FHIT: variants seen among roughly 807,000 people sequenced by gnomAD.
FHIT encodes bis(5'-adenosyl)-triphosphatase.
Under a neutral mutation model 17.9 loss-of-function variants are expected in FHIT, and 19 were observed. The ratio of observed to expected loss-of-function variants is 1.06; its 90% CI spans 0.74 to 1.56. The LOEUF is 1.56. FHIT is among the 40% of genes most tolerant of loss of function. The probability of loss-of-function intolerance (pLI) is 0.00; values close to 1 mark genes in which losing one functional copy is unlikely to be tolerated. For missense variants in FHIT, 248 were observed against 189.2 expected, an observed-to-expected ratio of 1.31 and a Z score of -1.82; for synonymous variants, 81 against 69.7, an observed-to-expected ratio of 1.16 and a Z score of -0.81.
At chr3:60,314,641 G>A (rs1709087748) in intron 5 of FHIT, among the ~76,000 whole-genome samples, 2 of 152,154 alleles carry the variant, frequency 1.3e-5, no homozygotes, top group Admixed American at 6.5e-5. Context: ...GATCTGAACT[G>A]TTAAAAACTT....
intron 4 of FHIT, among the ~76,000 whole-genome samples, chr3:60,642,478 C>G (rs1186943576): frequency 1.4e-5 from 2 of 145,834 alleles, no homozygotes; most frequent in African/African-American, 2.8e-5. Context: ...TCTTTACCCA[C>G]ACACACACAC....
At chr3:60,581,167 G>T (rs2107679841) in intron 4 of FHIT, among the ~76,000 whole-genome samples, 1 of 152,162 alleles carries the variant, frequency 6.6e-6, no homozygotes, top group Non-Finnish European at 1.5e-5. Context: ...TATGTGAAAA[G>T]GTGCTTACAT....
intron 4 of FHIT, among the ~76,000 whole-genome samples, chr3:60,603,802 A>G (rs1027232406): frequency 2.0e-5 from 3 of 152,130 alleles, no homozygotes; most frequent in South Asian, 2.1e-4. Flanking sequence ...ATCCAAGGCA[A>G]TAACACTATA....
At chr3:60,102,412 G>A (rs1397860668) in intron 5 of FHIT, among the ~76,000 whole-genome samples, 3 of 152,124 alleles carry the variant, frequency 2.0e-5, no homozygotes, top group African/African-American at 7.2e-5. Flanking sequence ...ATGCAACATG[G>A]GGCGAGTAAG....
At chr3:61,187,164 C>G (rs924744278) in intron 2 of FHIT, among the ~76,000 whole-genome samples, 1 of 152,082 alleles carries the variant, frequency 6.6e-6, no homozygotes, top group Non-Finnish European at 1.5e-5. Flanking sequence ...ACTCAATATA[C>G]AAATAATGAT....
intron 5 of FHIT, among the ~76,000 whole-genome samples, chr3:60,530,128 A>G (rs931911108): frequency 1.3e-5 from 2 of 152,180 alleles, no homozygotes; most frequent in African/African-American, 4.8e-5. Flanking sequence ...ATAGTATGGA[A>G]GACAGGTCAA....
intron 5 of FHIT, among the ~76,000 whole-genome samples, chr3:60,041,240 T>G (rs1257828811): frequency 6.6e-6 from 1 of 152,178 alleles, no homozygotes; most frequent in Non-Finnish European, 1.5e-5. Context: ...AGACTCTCAC[T>G]TGCACAGGGG....
intron 8 of FHIT, among the ~76,000 whole-genome samples, chr3:59,856,214 A>T (rs1702150248): frequency 6.6e-6 from 1 of 152,232 alleles, no homozygotes; most frequent in African/African-American, 2.4e-5. Flanking sequence ...AATTTAGATG[A>T]AATGTATAAA....
chr3:60,326,854 G>C (rs1219245985), intron 5 of FHIT, among the ~76,000 whole-genome samples: 2 of 152,144 alleles, frequency 1.3e-5, no homozygotes, highest in African/African-American at 2.4e-5. Context: ...TCTGGAAGAA[G>C]AATTTCACAA....
chr3:60,551,789 C>T (rs542269774), intron 4 of FHIT, among the ~76,000 whole-genome samples: 15 of 150,918 alleles, frequency 9.9e-5, no homozygotes, highest in Non-Finnish European at 1.8e-4. Context: ...TAAAAAAAAG[C>T]ATATGCCCCA....
At chr3:60,965,779 T>C (rs949807766) in intron 3 of FHIT, among the ~76,000 whole-genome samples, 3 of 152,204 alleles carry the variant, frequency 2.0e-5, no homozygotes, top group Non-Finnish European at 4.4e-5. Flanking sequence ...CAAATGTTGC[T>C]GCCTGATCCT....
At chr3:60,823,107 C>G (rs1244276377) in intron 3 of FHIT, among the ~76,000 whole-genome samples, 2 of 152,214 alleles carry the variant, frequency 1.3e-5, no homozygotes. Flanking sequence ...ACTAAGGTGT[C>G]AGGCACTATT....
intron 4 of FHIT, among the ~76,000 whole-genome samples, chr3:60,755,936 G>A (rs759044114): frequency 6.6e-6 from 1 of 152,188 alleles, no homozygotes; most frequent in Non-Finnish European, 1.5e-5. Flanking sequence ...TAGAAACTGA[G>A]TATTTCCCGA....
chr3:60,031,958 TA>T (rs1329271534), intron 5 of FHIT, among the ~76,000 whole-genome samples: 1 of 152,308 alleles, frequency 6.6e-6, no homozygotes, highest in East Asian at 1.9e-4. Context: ...CACAGGTATT[TA>T]AAAAATATGT....
chr3:61,111,573 C>T (rs1393604652), intron 2 of FHIT, among the ~76,000 whole-genome samples: 5 of 152,174 alleles, frequency 3.3e-5, no homozygotes, highest in Non-Finnish European at 7.4e-5. Context: ...AAAAACACTT[C>T]CACACCTCCC....
chr3:60,534,769 G>A (rs377379494), intron 5 of FHIT, among the ~76,000 whole-genome samples: 88 of 152,244 alleles, frequency 5.8e-4, no homozygotes, highest in African/African-American at 2.1e-3. Context: ...AAGTAACTGA[G>A]CAGGGTTCAT....
At chr3:60,824,702 G>C (rs1406257281) in intron 3 of FHIT, among the ~76,000 whole-genome samples, 1 of 152,040 alleles carries the variant, frequency 6.6e-6, no homozygotes, top group Non-Finnish European at 1.5e-5. Context: ...ATGGGGGTGG[G>C]TCTCTCCCAT....
intron 2 of FHIT, among the ~76,000 whole-genome samples, chr3:61,173,453 T>C (rs1011644517): frequency 3.3e-5 from 5 of 152,216 alleles, no homozygotes; most frequent in African/African-American, 1.2e-4. Context: ...GTGGTATTTA[T>C]TATTGTTAGA....
chr3:59,908,853 T>TTTTTTTTTTTTTTTTTTG (rs1271629999), intron 8 of FHIT, among the ~76,000 whole-genome samples: 1 of 150,712 alleles, frequency 6.6e-6, no homozygotes, highest in Non-Finnish European at 1.5e-5. Context: ...CATTTTTTAA[T>TTTTTTTTTTTTTTTTTTG]AGTCCAACTG....
Sources: allele counts gnomAD v4.1 joint callset (sites outside exome capture counted in the v4.1 genomes callset), GRCh38; gene constraint gnomAD v4.1.1; transcripts MANE v1.5; gene names NCBI Gene and HGNC (gene_info 2026-07-23, HGNC 2026-07-21).